Variants in MYO5C observed in about 807,000 individuals in gnomAD.
MYO5C encodes the protein myosin VC.
A neutral mutation model predicts 235.7 loss-of-function variants in MYO5C; 194 were observed. That is an observed-to-expected ratio of 0.82 (90% confidence interval 0.73 to 0.93). MYO5C has a LOEUF of 0.93. Ranked by LOEUF, MYO5C falls within the 40% of genes least tolerant of loss-of-function variation. MYO5C has a pLI of 0.00. For missense variants in MYO5C, 2,038 were observed against 2,127.2 expected, an observed-to-expected ratio of 0.96 and a Z score of 0.82; for synonymous variants, 707 against 754.8, an observed-to-expected ratio of 0.94 and a Z score of 1.04.
chr15:52,227,092 G>A (rs951506834), intron 25 of MYO5C, among the ~76,000 whole-genome samples: 3 of 151,802 alleles, frequency 2.0e-5, no homozygotes, highest in African/African-American at 7.3e-5. Flanking sequence ...GCAGGTTGCA[G>A]TGAGCCAAGA....
rs114328419 is a variant in MYO5C at position 52,194,112 on chromosome 15, C to G, written c.5077-58G>C. ...GAAACTAACATGTTCTGCTTTACTGCTACCTGAAAGTCAAGGCAAAACACA... is the reference window on the plus strand; with the variant it reads ...GAAACTAACATGTTCTGCTTTACTGGTACCTGAAAGTCAAGGCAAAACACA... On this transcript the variant is annotated intron_variant, in intron 40 of 40. Coordinates refer to ENST00000261839, the MANE Select transcript of MYO5C (RefSeq NM_018728.4). 2,971 of 1,547,878 alleles carry G rather than the reference C, an allele frequency of 1.9e-3. 50 individuals carry two copies. In the African/African-American group the frequency reaches 0.037, roughly 19 times the overall value.
chr15:52,274,453 A>T (rs2036993521), intron 5 of MYO5C, among the ~76,000 whole-genome samples: 1 of 151,980 alleles, frequency 6.6e-6, no homozygotes, highest in African/African-American at 2.4e-5. Context: ...AATTTTTTGT[A>T]TTTTTGGTAG....
intron 1 of MYO5C, among the ~76,000 whole-genome samples, chr15:52,291,205 C>A (rs933888315): frequency 2.6e-5 from 4 of 152,168 alleles, no homozygotes; most frequent in African/African-American, 9.7e-5. Flanking sequence ...CAGATCAAGG[C>A]TAGAGAATAG....
chr15:52,285,514 C>T (rs945024539), intron 1 of MYO5C, among the ~76,000 whole-genome samples: 1 of 152,040 alleles, frequency 6.6e-6, no homozygotes, highest in African/African-American at 2.4e-5. Context: ...TCTCTTTCCA[C>T]GGTCTCCCTC....
chr15:52,230,348 G>A (rs996544710), intron 24 of MYO5C, among the ~76,000 whole-genome samples: 3 of 151,942 alleles, frequency 2.0e-5, no homozygotes, highest in African/African-American at 7.3e-5. Flanking sequence ...AGCACAAAGG[G>A]AAAAACTCTG....
At chr15:52,279,313 C>A (rs2037116373) in intron 3 of MYO5C, among the ~76,000 whole-genome samples, 196 bp downstream of exon 3, 1 of 152,116 alleles carries the variant, frequency 6.6e-6, no homozygotes, top group Non-Finnish European at 1.5e-5. Flanking sequence ...TGATGAGAAA[C>A]TCAAACACGA....
intron 25 of MYO5C, 63 bp downstream of exon 25, chr15:52,229,070 A>T (rs2035891964): frequency 1.9e-6 from 3 of 1,589,020 alleles, no homozygotes; most frequent in South Asian, 2.2e-5. Context: ...AATCTGTGGG[A>T]ACTTGGAATT....
At chr15:52,281,022 C>A (rs1002934388) in intron 2 of MYO5C, among the ~76,000 whole-genome samples, 1 of 152,142 alleles carries the variant, frequency 6.6e-6, no homozygotes, top group Non-Finnish European at 1.5e-5. Context: ...GTGACCTAAC[C>A]CCGACCAGAA....
At chr15:52,238,565 CG>C (rs2036140576) in intron 21 of MYO5C, among the ~76,000 whole-genome samples, 1 of 152,192 alleles carries the variant, frequency 6.6e-6, no homozygotes, top group African/African-American at 2.4e-5. Context: ...GTGAGTTTTA[CG>C]GATCTAGACA....
chr15:52,214,494 G>A lies in MYO5C; in HGVS notation c.4042+109C>T, dbSNP rs574036026. On this transcript the variant is annotated intron_variant, in intron 33 of 40. Coordinates refer to ENST00000261839, the MANE Select transcript of MYO5C (RefSeq NM_018728.4). ...CACTAGGTCACAAACCTCACCACTT[G>A]AGAATCATTCCTTTGGGTTTCATAA... The A allele has an allele frequency of 1.3e-4, 108 of 827,170 alleles. 2 individuals are homozygous for A. Among genetic ancestry groups the A allele is most frequent in the South Asian group, 1.2e-3 (60 of 50,388 alleles). The allele number at this position is 827,170 out of a possible 1,614,324, so 51.2% of individuals were successfully genotyped here.
At chr15:52,216,394 T>TTG (rs1035152388) in intron 32 of MYO5C, among the ~76,000 whole-genome samples, 1 of 152,098 alleles carries the variant, frequency 6.6e-6, no homozygotes, top group Non-Finnish European at 1.5e-5. Flanking sequence ...AAAGTTTTCC[T>TTG]TGTAGAGATG....
intron 10 of MYO5C, among the ~76,000 whole-genome samples, chr15:52,260,090 A>G (rs1054490335): frequency 2.0e-5 from 3 of 152,246 alleles, no homozygotes; most frequent in African/African-American, 7.2e-5. Flanking sequence ...AGCCTGAAGG[A>G]TAACAATCTC....
chr15:52,256,776 G>A (rs1483002873), intron 10 of MYO5C, 56 bp from the exon 11 acceptor site: 4 of 1,343,764 alleles, frequency 3.0e-6, no homozygotes, highest in South Asian at 2.4e-5. Context: ...ATATGCATTT[G>A]TTTATAGATA....
intron 24 of MYO5C, 88 bp from the exon 25 acceptor site, chr15:52,229,401 G>A: frequency 7.9e-7 from 1 of 1,259,376 alleles, no homozygotes; most frequent in Non-Finnish European, 1.1e-6. Context: ...AAGGCAGGCG[G>A]ATCCCTTGAG....
intron 1 of MYO5C, among the ~76,000 whole-genome samples, chr15:52,293,168 C>T (rs565485846): frequency 6.6e-6 from 1 of 152,322 alleles, no homozygotes; most frequent in African/African-American, 2.4e-5. Flanking sequence ...GCAGCGATTG[C>T]TCCCCTCACC....
At chr15:52,209,521 C>T (rs1401122696) in intron 35 of MYO5C, among the ~76,000 whole-genome samples, 2 of 152,090 alleles carry the variant, frequency 1.3e-5, no homozygotes, top group Non-Finnish European at 2.9e-5. Context: ...AGGTCCTGGG[C>T]ACATGCAAAG....
At chr15:52,269,957 T>A in intron 7 of MYO5C, 97 bp from the exon 8 acceptor site, 1 of 844,238 alleles carries the variant, frequency 1.2e-6, no homozygotes, top group Non-Finnish European at 2.0e-6. Flanking sequence ...AAGAACTGTG[T>A]CATGCACTTT....
intron 6 of MYO5C, among the ~76,000 whole-genome samples, chr15:52,272,202 C>A (rs2036939342): frequency 1.3e-5 from 2 of 152,314 alleles, no homozygotes; most frequent in Admixed American, 6.5e-5. Flanking sequence ...GGCAGAAAAG[C>A]CTTTCTTTTA....
At chr15:52,248,606 A>ACACT (rs1555416616) in intron 14 of MYO5C, 94 bp downstream of exon 14, 108 of 635,004 alleles carry the variant, frequency 1.7e-4, no homozygotes, top group South Asian at 1.2e-3. Flanking sequence ...ACACACACAC[A>ACACT]CTCTCTCTCT....
Sources: gnomAD v4.1 joint callset for allele counts (sites outside exome capture counted in the v4.1 genomes callset) on GRCh38, gnomAD v4.1.1 for gene constraint, MANE v1.5 for transcripts, NCBI Gene and HGNC (gene_info 2026-07-23, HGNC 2026-07-21) for gene names.